Variants in LRRC4C observed in about 807,000 individuals in gnomAD.
LRRC4C encodes leucine rich repeat containing 4C.
Under a neutral mutation model 33.6 loss-of-function variants are expected in LRRC4C, and 5 were observed. The observed-to-expected ratio is 0.15, with a 90% CI of 0.08 to 0.31. The LOEUF (loss-of-function observed/expected upper bound fraction) is 0.31, where lower values mean the gene tolerates loss of function less well. Ranked by LOEUF, LRRC4C falls within the 10% of genes least tolerant of loss-of-function variation. LRRC4C has a pLI of 1.00. For missense variants in LRRC4C, 560 were observed against 796.7 expected, an observed-to-expected ratio of 0.70 and a Z score of 3.58; for synonymous variants, 329 against 302.0, an observed-to-expected ratio of 1.09 and a Z score of -0.93.
At chr11:41,342,418 C>A (rs1951670080) in intron 1 of LRRC4C, among the ~76,000 whole-genome samples, 1 of 152,080 alleles carries the variant, frequency 6.6e-6, no homozygotes, top group East Asian at 1.9e-4. Flanking sequence ...AAAGTTAAAT[C>A]AAAAACTCAT....
At chr11:40,912,873 C>CA (rs561144945) in intron 2 of LRRC4C, among the ~76,000 whole-genome samples, 41 of 151,750 alleles carry the variant, frequency 2.7e-4, no homozygotes, top group African/African-American at 9.4e-4. Context: ...CAATGGAAAA[C>CA]AAAAAAAGGC....
At chr11:40,830,936 A>G (rs951394602) in intron 2 of LRRC4C, among the ~76,000 whole-genome samples, 22 of 152,138 alleles carry the variant, frequency 1.4e-4, no homozygotes, top group African/African-American at 4.8e-4. Flanking sequence ...ATGAATTACA[A>G]TGTCCAGTTT....
At chr11:40,132,660 A>T (rs1461520751) in intron 6 of LRRC4C, among the ~76,000 whole-genome samples, 5 of 152,172 alleles carry the variant, frequency 3.3e-5, no homozygotes, top group Non-Finnish European at 4.4e-5. Flanking sequence ...GTACTTATGA[A>T]TATTAGTGGA....
At chr11:41,421,338 A>G (rs941067241) in intron 1 of LRRC4C, among the ~76,000 whole-genome samples, 1 of 152,072 alleles carries the variant, frequency 6.6e-6, no homozygotes, top group Non-Finnish European at 1.5e-5. Context: ...TCCATCTGCC[A>G]TAGCAACTGT....
chr11:40,335,734 C>G (rs977523937), intron 3 of LRRC4C, among the ~76,000 whole-genome samples: 1 of 152,150 alleles, frequency 6.6e-6, no homozygotes. Context: ...AGAATGGATT[C>G]GTCTAACTTT....
chr11:41,135,359 G>C (rs1030036257), intron 1 of LRRC4C, among the ~76,000 whole-genome samples: 1 of 152,144 alleles, frequency 6.6e-6, no homozygotes, highest in East Asian at 1.9e-4. Context: ...GGGAAGGAGA[G>C]AGAGAGAGGG....
chr11:40,508,867 A>G (rs1260154769), intron 3 of LRRC4C, among the ~76,000 whole-genome samples: 1 of 152,192 alleles, frequency 6.6e-6, no homozygotes, highest in East Asian at 1.9e-4. Flanking sequence ...AGTAATAACC[A>G]TGAGTTTTAA....
chr11:41,387,077 G>A (rs1953389328), intron 1 of LRRC4C, among the ~76,000 whole-genome samples: 1 of 151,774 alleles, frequency 6.6e-6, no homozygotes, highest in African/African-American at 2.4e-5. Flanking sequence ...TGCTTCAAGT[G>A]TATAAAAGAT....
chr11:41,224,440 T>C (rs1419573105), intron 1 of LRRC4C, among the ~76,000 whole-genome samples: 1 of 152,198 alleles, frequency 6.6e-6, no homozygotes, highest in Non-Finnish European at 1.5e-5. Flanking sequence ...AGGGTGATAA[T>C]ATTGGCCTAA....
At chr11:40,228,322 A>C (rs182315474) in intron 5 of LRRC4C, among the ~76,000 whole-genome samples, 1 of 152,318 alleles carries the variant, frequency 6.6e-6, no homozygotes, top group East Asian at 1.9e-4. Context: ...CACATTTGCC[A>C]TTGTTTCTGT....
intron 1 of LRRC4C, among the ~76,000 whole-genome samples, chr11:41,101,385 G>A (rs1439452666): frequency 2.0e-5 from 3 of 152,078 alleles, no homozygotes; most frequent in Non-Finnish European, 2.9e-5. Flanking sequence ...TGGGCAACAA[G>A]CGTATGAAAA....
At chr11:41,110,448 T>C (rs1453877545) in intron 1 of LRRC4C, among the ~76,000 whole-genome samples, 1 of 152,078 alleles carries the variant, frequency 6.6e-6, no homozygotes, top group Non-Finnish European at 1.5e-5. Flanking sequence ...AAAGAGAATG[T>C]AAATAACTTA....
chr11:40,519,555 G>A (rs888285843), intron 3 of LRRC4C, among the ~76,000 whole-genome samples: 1 of 152,058 alleles, frequency 6.6e-6, no homozygotes, highest in Non-Finnish European at 1.5e-5. Flanking sequence ...TTAGTACCTT[G>A]CTCTGAATTA....
chr11:41,356,711 A>G (rs1250480349), intron 1 of LRRC4C, among the ~76,000 whole-genome samples: 3 of 152,138 alleles, frequency 2.0e-5, no homozygotes, highest in Non-Finnish European at 4.4e-5. Context: ...ATCTGATATC[A>G]TTGGTCTAAG....
intron 1 of LRRC4C, among the ~76,000 whole-genome samples, chr11:41,393,171 A>G (rs1953671425): frequency 6.6e-6 from 1 of 151,912 alleles, no homozygotes. Flanking sequence ...TTTTTCAGAT[A>G]TAATTTTCTA....
intron 6 of LRRC4C, among the ~76,000 whole-genome samples, chr11:40,128,933 A>C (rs1277252625): frequency 6.6e-6 from 1 of 152,110 alleles, no homozygotes; most frequent in Non-Finnish European, 1.5e-5. Flanking sequence ...TCCTCATAGC[A>C]CATATCACTA....
intron 1 of LRRC4C, among the ~76,000 whole-genome samples, chr11:41,296,529 G>A (rs1404953029): frequency 1.3e-5 from 2 of 151,926 alleles, no homozygotes; most frequent in African/African-American, 2.4e-5. Context: ...TGACCGGACC[G>A]GTCTTGAATT....
At chr11:40,456,373 T>A (rs1272933159) in intron 3 of LRRC4C, among the ~76,000 whole-genome samples, 1 of 151,926 alleles carries the variant, frequency 6.6e-6, no homozygotes, top group Non-Finnish European at 1.5e-5. Flanking sequence ...AACATTTGAG[T>A]GGAGTCTTGA....
chr11:40,272,605 T>C (rs936478172), intron 4 of LRRC4C, among the ~76,000 whole-genome samples: 2 of 152,084 alleles, frequency 1.3e-5, no homozygotes, highest in Non-Finnish European at 2.9e-5. Context: ...TTTTTAAAGA[T>C]GTGTAAGACC....
Sources: gnomAD v4.1 joint callset for allele counts (sites outside exome capture counted in the v4.1 genomes callset) on GRCh38, gnomAD v4.1.1 for gene constraint, MANE v1.5 for transcripts, NCBI Gene and HGNC (gene_info 2026-07-23, HGNC 2026-07-21) for gene names.